Variants in EPB41L4B observed in about 807,000 individuals in gnomAD.
The protein encoded by EPB41L4B is erythrocyte membrane protein band 4.1 like 4B, also known as band 4.1-like protein 4B.
EPB41L4B carries 30 observed loss-of-function variants against 112.5 expected under a neutral mutation model. The observed-to-expected ratio is 0.27, with a 90% CI of 0.20 to 0.36. The LOEUF is 0.36. EPB41L4B is among the 10% of genes least tolerant of loss of function. The pLI is 1.00. For synonymous variants in EPB41L4B, 408 were observed against 439.7 expected (o/e 0.93, Z 0.90); for missense variants, 1,024 against 1,133.3 (o/e 0.90, Z 1.38).
At chr9:109,200,638 G>A (rs940223043) in intron 19 of EPB41L4B, among the ~76,000 whole-genome samples, 5 of 152,150 alleles carry the variant, frequency 3.3e-5, no homozygotes, top group African/African-American at 1.2e-4. Context: ...CCCCCAATAT[G>A]AGGGGTGAAC....
intron 1 of EPB41L4B, among the ~76,000 whole-genome samples, chr9:109,305,198 G>A (rs111449134): frequency 3.3e-4 from 50 of 151,202 alleles, no homozygotes; most frequent in African/African-American, 1.1e-3. Context: ...TGGAAGAAGC[G>A]CGGGAAGGTG....
intron 1 of EPB41L4B, among the ~76,000 whole-genome samples, chr9:109,286,463 T>C (rs1239609662): frequency 1.3e-5 from 2 of 152,220 alleles, no homozygotes; most frequent in African/African-American, 2.4e-5. Flanking sequence ...GCTGTTTACC[T>C]AAGCATAATT....
intron 1 of EPB41L4B, among the ~76,000 whole-genome samples, chr9:109,316,995 C>T (rs1160737641): frequency 6.6e-6 from 1 of 152,084 alleles, no homozygotes; most frequent in Non-Finnish European, 1.5e-5. Flanking sequence ...GTCCCAGCTA[C>T]TAGAGAGGCT....
At chr9:109,289,913 TCA>T (rs1358740741) in intron 1 of EPB41L4B, among the ~76,000 whole-genome samples, 2 of 152,258 alleles carry the variant, frequency 1.3e-5, no homozygotes, top group Admixed American at 1.3e-4. Flanking sequence ...ATTACAAGTC[TCA>T]GTTTGTTATT....
At chr9:109,281,228 C>A (rs770575981) in intron 1 of EPB41L4B, among the ~76,000 whole-genome samples, 1 of 150,846 alleles carries the variant, frequency 6.6e-6, no homozygotes, top group Non-Finnish European at 1.5e-5. Context: ...AGAACTATTA[C>A]AGCTCAATAA....
chr9:109,177,575 A>C (rs999363791), intron 24 of EPB41L4B, among the ~76,000 whole-genome samples: 1 of 151,954 alleles, frequency 6.6e-6, no homozygotes, highest in South Asian at 2.1e-4. Context: ...TAATCCCAAC[A>C]CTTTGGGAGG....
chr9:109,217,037 G>A lies in EPB41L4B; in HGVS notation c.1518C>T (p.His506=). The change falls in exon 16 of 26, where the codon CAC becomes CAT. Residue 506 remains histidine (H), a synonymous_variant. Transcript: ENST00000374566. ...GGTGCTGATGCTGATGCTGGTGCTGGTGGTGATGCCTTCCTGAAGCTGCGG... is the reference window on the plus strand; with the variant it reads ...GGTGCTGATGCTGATGCTGGTGCTGATGGTGATGCCTTCCTGAAGCTGCGG... ...FLTAASGRHH[H]QHQHQHQHQH... is the part of the protein sequence containing the mutation. The A allele has an allele frequency of 6.2e-7, 1 of 1,614,206 alleles. No individual in the cohort carries two copies. Among genetic ancestry groups the A allele is most frequent in the South Asian group, 1.1e-5 (1 of 91,080 alleles).
chr9:109,249,792 C>T (rs992470619), intron 13 of EPB41L4B, among the ~76,000 whole-genome samples: 1 of 152,192 alleles, frequency 6.6e-6, no homozygotes, highest in Non-Finnish European at 1.5e-5. Flanking sequence ...AATACTGCAA[C>T]CTCCTCCCAC....
chr9:109,250,954 G>A (rs1024151602), intron 13 of EPB41L4B, among the ~76,000 whole-genome samples: 1 of 152,254 alleles, frequency 6.6e-6, no homozygotes, highest in African/African-American at 2.4e-5. Context: ...AGCCTGCAAA[G>A]TCTCAAACAT....
intron 14 of EPB41L4B, among the ~76,000 whole-genome samples, chr9:109,243,942 A>AAT (rs1564289648): frequency 6.6e-6 from 1 of 152,178 alleles, no homozygotes; most frequent in Non-Finnish European, 1.5e-5. Flanking sequence ...CTGCCCTTAG[A>AAT]AGGTGACAAC....
At chr9:109,299,292 T>A (rs571340129) in intron 1 of EPB41L4B, among the ~76,000 whole-genome samples, 1 of 152,314 alleles carries the variant, frequency 6.6e-6, no homozygotes, top group Non-Finnish European at 1.5e-5. Context: ...GTTTGTTTCT[T>A]TAAGACAAGG....
intron 14 of EPB41L4B, 119 bp from the exon 15 acceptor site, chr9:109,243,801 A>G (rs1212263077): frequency 7.5e-6 from 7 of 936,610 alleles, no homozygotes; most frequent in Admixed American, 2.0e-5. Context: ...TGGAAAGGCT[A>G]TAGACCCTGG....
intron 1 of EPB41L4B, among the ~76,000 whole-genome samples, chr9:109,309,235 G>T (rs1837327613): frequency 1.3e-5 from 2 of 152,192 alleles, no homozygotes; most frequent in South Asian, 4.1e-4. Flanking sequence ...AATATGCTTA[G>T]AAAATTCCAT....
At chr9:109,194,814 T>C (rs2118704928) in intron 20 of EPB41L4B, among the ~76,000 whole-genome samples, 1 of 152,262 alleles carries the variant, frequency 6.6e-6, no homozygotes, top group African/African-American at 2.4e-5. Flanking sequence ...CTGCAGCCTC[T>C]GGTAACATCA....
chr9:109,307,341 G>A (rs1281903083), intron 1 of EPB41L4B: 4 of 412,722 alleles, frequency 9.7e-6, no homozygotes, highest in East Asian at 1.3e-4. Context: ...AGAATACTGA[G>A]GTATCCTAAA....
intron 6 of EPB41L4B, among the ~76,000 whole-genome samples, chr9:109,260,897 C>T (rs537626612): frequency 5.3e-4 from 80 of 152,280 alleles, no homozygotes; most frequent in African/African-American, 1.9e-3. Context: ...GATGGTAATA[C>T]GTGCACCTCA....
At chr9:109,251,428 T>C in intron 13 of EPB41L4B, 53 bp downstream of exon 13, 1 of 1,560,950 alleles carries the variant, frequency 6.4e-7, no homozygotes, top group African/African-American at 1.4e-5. Flanking sequence ...ACATTGCAAA[T>C]AAATACGATC....
At chr9:109,290,754 CCT>C (rs1169235242) in intron 1 of EPB41L4B, among the ~76,000 whole-genome samples, 51 of 141,932 alleles carry the variant, frequency 3.6e-4, no homozygotes, top group East Asian at 1.2e-3. Context: ...CATATATATA[CCT>C]CACACACACA....
intron 13 of EPB41L4B, among the ~76,000 whole-genome samples, chr9:109,249,884 A>G (rs1834716726): frequency 6.6e-6 from 1 of 152,186 alleles, no homozygotes. Context: ...AAACCCAGAG[A>G]CAAAAGGCAG....
Sources: gnomAD v4.1 joint callset for allele counts (sites outside exome capture counted in the v4.1 genomes callset) on GRCh38, gnomAD v4.1.1 for gene constraint, MANE v1.5 for transcripts, NCBI Gene and HGNC (gene_info 2026-07-23, HGNC 2026-07-21) for gene names.